The following PTPRD variants were observed in gnomAD, a reference collection of about 807,000 sequenced individuals.
The protein encoded by PTPRD is protein tyrosine phosphatase receptor type D.
Under a neutral mutation model 214.5 loss-of-function variants are expected in PTPRD, and 34 were observed. The ratio of observed to expected loss-of-function variants is 0.16; its 90% CI spans 0.12 to 0.21. The LOEUF (loss-of-function observed/expected upper bound fraction) is 0.21, where lower values mean the gene tolerates loss of function less well. PTPRD is among the 10% of genes least tolerant of loss of function. The probability of loss-of-function intolerance (pLI) is 1.00; values close to 1 mark genes in which losing one functional copy is unlikely to be tolerated. For missense variants in PTPRD, 2,545 were observed against 2,398.7 expected, an observed-to-expected ratio of 1.06 and a Z score of -1.27; for synonymous variants, 1,128 against 845.7, an observed-to-expected ratio of 1.33 and a Z score of -5.79.
intron 7 of PTPRD, among the ~76,000 whole-genome samples, chr9:9,718,367 G>C (rs190051317): frequency 2.6e-5 from 4 of 152,144 alleles, no homozygotes; most frequent in South Asian, 2.1e-4. Flanking sequence ...TAGAGTGGCC[G>C]CTGTGAGGAT....
chr9:9,171,117 T>C (rs1215071263), intron 10 of PTPRD, among the ~76,000 whole-genome samples: 1 of 152,150 alleles, frequency 6.6e-6, no homozygotes, highest in Non-Finnish European at 1.5e-5. Context: ...CAAGAGGGGC[T>C]GCTTTCTCGT....
At chr9:9,658,794 T>A (rs926558269) in intron 7 of PTPRD, among the ~76,000 whole-genome samples, 2 of 152,180 alleles carry the variant, frequency 1.3e-5, no homozygotes, top group Admixed American at 6.6e-5. Context: ...TTAGGTACTG[T>A]GCTTTATAAG....
chr9:9,034,802 C>T (rs566799048), intron 10 of PTPRD, among the ~76,000 whole-genome samples: 1 of 152,240 alleles, frequency 6.6e-6, no homozygotes, highest in South Asian at 2.1e-4. Context: ...TTGTGAGACT[C>T]AGCAATGCAG....
chr9:8,719,822 T>A (rs1027854326), intron 12 of PTPRD, among the ~76,000 whole-genome samples: 3 of 151,652 alleles, frequency 2.0e-5, no homozygotes, highest in African/African-American at 7.3e-5. Flanking sequence ...CTTTAGCTAA[T>A]GTATATCAAT....
intron 5 of PTPRD, among the ~76,000 whole-genome samples, chr9:9,905,379 A>G (rs2077310565): frequency 6.6e-6 from 1 of 151,992 alleles, no homozygotes; most frequent in Non-Finnish European, 1.5e-5. Flanking sequence ...ACTAAAGAGC[A>G]TATAAAATAC....
At chr9:10,579,153 G>A (rs549729265) in intron 2 of PTPRD, among the ~76,000 whole-genome samples, 3 of 152,146 alleles carry the variant, frequency 2.0e-5, no homozygotes, top group Non-Finnish European at 4.4e-5. Context: ...AAAAAAGAAT[G>A]AGATCATGTC....
intron 11 of PTPRD, among the ~76,000 whole-genome samples, chr9:8,739,165 C>A (rs1376877995): frequency 1.3e-5 from 2 of 152,226 alleles, no homozygotes; most frequent in African/African-American, 4.8e-5. Flanking sequence ...CTGGAGCCTA[C>A]AGCAAACCTG....
intron 14 of PTPRD, among the ~76,000 whole-genome samples, chr9:8,608,564 T>A (rs946995501): frequency 1.3e-5 from 2 of 152,128 alleles, no homozygotes; most frequent in South Asian, 2.1e-4. Context: ...TATCTTCTTA[T>A]GGCTTGACCC....
intron 9 of PTPRD, among the ~76,000 whole-genome samples, chr9:9,235,727 T>C (rs1258944887): frequency 6.6e-6 from 1 of 152,208 alleles, no homozygotes; most frequent in Non-Finnish European, 1.5e-5. Flanking sequence ...CTGTCCCAGA[T>C]TTCTGCCTCC....
At chr9:8,974,521 T>G (rs904072053) in intron 11 of PTPRD, among the ~76,000 whole-genome samples, 2 of 152,020 alleles carry the variant, frequency 1.3e-5, no homozygotes, top group African/African-American at 4.8e-5. Context: ...TAGGATATGC[T>G]CCTTTTAATG....
chr9:8,367,565 T>G (rs2080269816), intron 39 of PTPRD, among the ~76,000 whole-genome samples: 1 of 152,190 alleles, frequency 6.6e-6, no homozygotes, highest in South Asian at 2.1e-4. Context: ...AGCAAAGCAT[T>G]TATTTTAGTG....
intron 9 of PTPRD, among the ~76,000 whole-genome samples, chr9:9,314,805 A>G (rs1033837726): frequency 2.5e-4 from 38 of 152,092 alleles, no homozygotes; most frequent in East Asian, 7.7e-4. Flanking sequence ...AGAGCTATTT[A>G]CTCTGTTTTA....
At chr9:10,063,259 A>T (rs1273272614) in intron 3 of PTPRD, among the ~76,000 whole-genome samples, 1 of 152,086 alleles carries the variant, frequency 6.6e-6, no homozygotes, top group Non-Finnish European at 1.5e-5. Flanking sequence ...TGACATAGCT[A>T]CTCAAGTTAT....
chr9:8,526,505 GAAAA>G (rs796991914), intron 17 of PTPRD, 118 bp downstream of exon 17: 1 of 543,708 alleles, frequency 1.8e-6, no homozygotes, highest in Non-Finnish European at 2.8e-6. Context: ...ACAGTACAAA[GAAAA>G]AAAAAAAGTT....
chr9:8,866,757 C>T (rs1194128351), intron 11 of PTPRD, among the ~76,000 whole-genome samples: 1 of 140,662 alleles, frequency 7.1e-6, no homozygotes, highest in African/African-American at 2.7e-5. Flanking sequence ...CTTATCTATC[C>T]GTTAAGAATC....
At chr9:8,868,348 AC>A (rs939842534) in intron 11 of PTPRD, among the ~76,000 whole-genome samples, 14 of 152,184 alleles carry the variant, frequency 9.2e-5, no homozygotes, top group African/African-American at 3.4e-4. Context: ...AGGGGCATGT[AC>A]CACCACACCT....
chr9:10,086,246 G>T (rs1345338812), intron 3 of PTPRD, among the ~76,000 whole-genome samples: 2 of 151,754 alleles, frequency 1.3e-5, no homozygotes, highest in Non-Finnish European at 2.9e-5. Flanking sequence ...TGCAATTTTA[G>T]ATGTGATCCT....
intron 9 of PTPRD, among the ~76,000 whole-genome samples, chr9:9,221,921 C>T (rs1344124584): frequency 6.6e-6 from 1 of 151,976 alleles, no homozygotes; most frequent in African/African-American, 2.4e-5. Flanking sequence ...GAAACCCCAC[C>T]CTAGACCTAC....
intron 14 of PTPRD, among the ~76,000 whole-genome samples, chr9:8,599,438 C>G (rs1332163186): frequency 2.0e-5 from 3 of 152,030 alleles, no homozygotes; most frequent in Admixed American, 6.6e-5. Context: ...TATGGAACAT[C>G]TTGTGTTTGC....
Sources: gnomAD v4.1 joint callset for allele counts (sites outside exome capture counted in the v4.1 genomes callset) on GRCh38, gnomAD v4.1.1 for gene constraint, MANE v1.5 for transcripts, NCBI Gene and HGNC (gene_info 2026-07-23, HGNC 2026-07-21) for gene names.